ZNF33B: variants seen among roughly 807,000 people sequenced by gnomAD.
ZNF33B encodes the protein zinc finger protein 11b (KOX 2).
ZNF33B carries 29 observed loss-of-function variants against 45.8 expected under a neutral mutation model. The ratio of observed to expected loss-of-function variants is 0.63; its 90% confidence interval spans 0.47 to 0.86. The LOEUF (loss-of-function observed/expected upper bound fraction) is 0.86, where lower values mean the gene tolerates loss of function less well. ZNF33B is among the 40% of genes least tolerant of loss of function. ZNF33B has a pLI of 0.00. For missense variants in ZNF33B, 831 were observed against 909.9 expected (o/e 0.91, Z 1.12); for synonymous variants, 305 against 307.8 (o/e 0.99, Z 0.10).
intron 4 of ZNF33B, among the ~76,000 whole-genome samples, chr10:42,622,009 C>G (rs1838613927): frequency 6.6e-6 from 1 of 152,140 alleles, no homozygotes; most frequent in Admixed American, 6.5e-5. Context: ...CATCAACACA[C>G]AAAAATCCGT....
chr10:42,588,193 T>C (rs1001392260), downstream of ZNF33B, among the ~76,000 whole-genome samples: 2 of 152,160 alleles, frequency 1.3e-5, no homozygotes, highest in African/African-American at 2.4e-5. Flanking sequence ...AGAGACCACC[T>C]GCCAAACAGG....
In ZNF33B at chr10:42,612,212, C is replaced by T. The variant is rs145746200; in HGVS notation, c.251-17513G>A. Among the ~76,000 whole-genome samples, 1,420 of 147,796 alleles carry T rather than the reference C, an allele frequency of 9.6e-3. 24 individuals carry two copies. Among genetic ancestry groups the T allele is most frequent in the African/African-American group, 0.032 (1,283 of 40,294 alleles). ...ACAGTTTTCTTCTGTAGCCTGTTGA[C>T]GTGGCAGGTTACAGAAGTTGATTTT... On this transcript the variant is annotated intron_variant, in intron 4 of 4. Coordinates refer to ENST00000359467, the MANE Select transcript of ZNF33B (RefSeq NM_006955.3).
At chr10:42,595,459 C>T (rs1837356588) in intron 4 of ZNF33B, among the ~76,000 whole-genome samples, 1 of 152,028 alleles carries the variant, frequency 6.6e-6, no homozygotes, top group Non-Finnish European at 1.5e-5. Flanking sequence ...TAATTCAAGT[C>T]TTATTAAAGA....
rs1281446005 is a variant in ZNF33B at position 42,590,033 on chromosome 10, T to G, written c.*2580A>C. ...ATTGGATTTTGTCAAATGCTTTTTC[T>G]GTACCTATTGATATGATCATATTTA... On this transcript the variant is annotated 3_prime_UTR_variant, in exon 5 of 5. Transcript: ENST00000359467. The G allele has an allele frequency of 6.6e-6, 1 of 152,244 alleles. No homozygotes were observed. Among genetic ancestry groups the G allele is most frequent in the Non-Finnish European group, 1.5e-5 (1 of 68,040 alleles). The allele number at this position is 152,244 out of a possible 1,614,324, so 9.4% of individuals were successfully genotyped here.
chr10:42,602,053 G>A (rs1451730715), intron 4 of ZNF33B, among the ~76,000 whole-genome samples: 8 of 151,178 alleles, frequency 5.3e-5, no homozygotes, highest in Non-Finnish European at 1.0e-4. Flanking sequence ...CAAGTAGCTA[G>A]GACAACAGGC....
At chr10:42,622,373 C>T (rs1019244710) in intron 4 of ZNF33B, among the ~76,000 whole-genome samples, 30 of 152,028 alleles carry the variant, frequency 2.0e-4, no homozygotes, top group African/African-American at 7.0e-4. Flanking sequence ...CCCTGAATAG[C>T]GAAAACAATT....
intron 4 of ZNF33B, among the ~76,000 whole-genome samples, chr10:42,617,877 C>A (rs982646193): frequency 6.6e-6 from 1 of 152,158 alleles, no homozygotes; most frequent in Non-Finnish European, 1.5e-5. Flanking sequence ...CCCTCTTACC[C>A]TACATTTGGG....
In ZNF33B at chr10:42,632,013, G is replaced by T. The variant is rs553352765; in HGVS notation, c.166C>A (p.His56Asn). 6.2e-7 allele frequency: 1 copy of T among 1,614,066 alleles called. No individual in the cohort carries two copies. Among genetic ancestry groups the T allele is most frequent in the African/African-American group, 1.3e-5 (1 of 75,018 alleles). The change falls in exon 4 of 5, where the codon CAC becomes AAC. Residue 56 changes from histidine to asparagine, a missense_variant. Coordinates refer to ENST00000359467, the MANE Select transcript of ZNF33B (RefSeq NM_006955.3). The part of the protein sequence containing the change: ...SNLVSVGYCA[H>N]KPEVIFRLEQ... ...AGCCTGAAGATCACCTCTGGTTTGT[G>T]AGCACAATACCCTGTTAACAGGAAA...
At chr10:42,622,759 C>CA (rs1308488405) in intron 4 of ZNF33B, among the ~76,000 whole-genome samples, 1 of 151,544 alleles carries the variant, frequency 6.6e-6, no homozygotes, top group East Asian at 1.9e-4. Context: ...GACAAATGAC[C>CA]AAAAAAATGA....
chr10:42,607,808 C>T (rs1470445257), intron 4 of ZNF33B, among the ~76,000 whole-genome samples: 1 of 151,986 alleles, frequency 6.6e-6, no homozygotes, highest in Non-Finnish European at 1.5e-5. Flanking sequence ...CCCAATAAAC[C>T]CATTGAAAAG....
chr10:42,577,132 CAA>C (rs71014272), intron 1 of ZNF33B, among the ~76,000 whole-genome samples: 1,161 of 81,546 alleles, frequency 0.014, 10 homozygotes, highest in South Asian at 0.11. Context: ...GACTCCATCT[CAA>C]AAAAAAAAAA....
At chr10:42,606,979 C>CAA (rs1465086178) in intron 4 of ZNF33B, among the ~76,000 whole-genome samples, 1 of 152,038 alleles carries the variant, frequency 6.6e-6, no homozygotes, top group African/African-American at 2.4e-5. Context: ...TGAAATGCTC[C>CAA]AACAAGCATT....
At chr10:42,638,068 A>G (rs367696422) in intron 1 of ZNF33B, among the ~76,000 whole-genome samples, 3 of 152,374 alleles carry the variant, frequency 2.0e-5, no homozygotes, top group Admixed American at 6.5e-5. Context: ...AAACCTAAAG[A>G]GGATGAACGC....
intron 4 of ZNF33B, chr10:42,605,303 T>C (rs977010671): frequency 5.0e-5 from 7 of 138,762 alleles, no homozygotes; most frequent in African/African-American, 1.6e-4. Flanking sequence ...AACTTGCAAA[T>C]CTGTTGACGA....
At chr10:42,633,054 C>T (rs1223524065) in intron 2 of ZNF33B, 1 of 209,234 alleles carries the variant, frequency 4.8e-6, no homozygotes, top group Non-Finnish European at 9.4e-6. Flanking sequence ...TTACTGAGAA[C>T]TACAGATTTA....
At position 42,594,715 on chromosome 10, in the gene ZNF33B, A is replaced by C. The variant is rs1837323556; in HGVS notation, c.251-16T>G. ...GTCCAGACTTCTACAAACAAACAAA[A>C]TTAATCTTACCATATAAATACCAAA... is the stretch of plus-strand genomic sequence containing the variant. On this transcript the variant is annotated splice_polypyrimidine_tract_variant and intron_variant, in intron 4 of 4. Coordinates refer to ENST00000359467, the MANE Select transcript of ZNF33B (RefSeq NM_006955.3). 6.5e-7 allele frequency: 1 copy of C among 1,534,904 alleles called. No individual in the cohort carries two copies. Among genetic ancestry groups the C allele is most frequent in the African/African-American group, 1.4e-5 (1 of 71,928 alleles).
chr10:42,588,216 C>G (rs1223640396), downstream of ZNF33B, among the ~76,000 whole-genome samples: 2 of 152,176 alleles, frequency 1.3e-5, no homozygotes, highest in Admixed American at 1.3e-4. Context: ...GAGCCCAAGT[C>G]AAGTCATGCA....
chr10:42,615,485 TC>T (rs1459176472), intron 4 of ZNF33B, among the ~76,000 whole-genome samples: 1 of 152,170 alleles, frequency 6.6e-6, no homozygotes, highest in Non-Finnish European at 1.5e-5. Context: ...TCACATGCAG[TC>T]CCATTTTTAT....
intron 4 of ZNF33B, among the ~76,000 whole-genome samples, chr10:42,599,527 T>C (rs1266073885): frequency 6.6e-6 from 1 of 151,010 alleles, no homozygotes; most frequent in Non-Finnish European, 1.5e-5. Context: ...CTATGTGAAA[T>C]TTACACATTA....
Sources: gnomAD v4.1 joint callset for allele counts (sites outside exome capture counted in the v4.1 genomes callset) on GRCh38, gnomAD v4.1.1 for gene constraint, MANE v1.5 for transcripts, NCBI Gene and HGNC (gene_info 2026-07-23, HGNC 2026-07-21) for gene names.